The following CADM2 variants were observed in gnomAD, a reference collection of about 807,000 sequenced individuals.
CADM2 encodes cell adhesion molecule 2, also known as immunoglobulin superfamily member 4D.
Under a neutral mutation model 49.8 loss-of-function variants are expected in CADM2, and 12 were observed. That is an observed-to-expected ratio of 0.24 (90% CI 0.15 to 0.39). The LOEUF is 0.39. Among genes scored for constraint, CADM2 ranks in the 10% least tolerant of loss-of-function variants. The pLI, the probability that CADM2 is intolerant of heterozygous loss-of-function variation, is 1.00. For missense variants in CADM2, 378 were observed against 492.3 expected (o/e 0.77, Z 2.20); for synonymous variants, 214 against 175.4 (o/e 1.22, Z -1.74).
chr3:85,164,484 T>A (rs2040417238), intron 1 of CADM2, among the ~76,000 whole-genome samples: 1 of 152,074 alleles, frequency 6.6e-6, no homozygotes, highest in African/African-American at 2.4e-5. Flanking sequence ...TATTGCTCTA[T>A]TTTCAAAATT....
chr3:85,864,084 G>T (rs907190910), intron 3 of CADM2, among the ~76,000 whole-genome samples: 3 of 152,092 alleles, frequency 2.0e-5, no homozygotes, highest in Non-Finnish European at 4.4e-5. Flanking sequence ...GAGAATGATG[G>T]GAATGATCAT....
intron 1 of CADM2, among the ~76,000 whole-genome samples, chr3:85,321,339 A>C (rs2044607967): frequency 6.7e-6 from 1 of 149,828 alleles, no homozygotes; most frequent in Non-Finnish European, 1.5e-5. Flanking sequence ...TGTCTAATTT[A>C]TTCATTTATT....
At chr3:85,797,106 A>T (rs2071674546) in intron 2 of CADM2, among the ~76,000 whole-genome samples, 1 of 151,486 alleles carries the variant, frequency 6.6e-6, no homozygotes, top group South Asian at 2.1e-4. Flanking sequence ...AAAAAAAAAG[A>T]AAAAGAAAAA....
Position 86,056,578 on chromosome 3 carries a change from G to T in CADM2, c.971-9027G>T, listed in dbSNP as rs1027379199. On this transcript the variant is annotated intron_variant, in intron 8 of 9. Coordinates refer to ENST00000383699, the MANE Select transcript of CADM2 (RefSeq NM_001167675.2). ...AGAAAGGATGAGCAGATCAGATCAC[G>T]AAATGGGACAATCTTCCCAGGAGGG... is the stretch of plus-strand genomic sequence containing the variant. 3.3e-5 allele frequency among the ~76,000 whole-genome samples: 5 copies of T among 152,168 alleles called. No individual in the cohort carries two copies. In the South Asian group the frequency reaches 8.3e-4, roughly 25 times the overall value.
chr3:85,086,017 G>T (rs563274643), intron 1 of CADM2, among the ~76,000 whole-genome samples: 1 of 152,020 alleles, frequency 6.6e-6, no homozygotes, highest in African/African-American at 2.4e-5. Flanking sequence ...GAAAAATTAC[G>T]AAGATGTTTA....
chr3:85,791,997 AC>A (rs2108035081), intron 2 of CADM2, among the ~76,000 whole-genome samples: 1 of 152,302 alleles, frequency 6.6e-6, no homozygotes, highest in African/African-American at 2.4e-5. Context: ...TGCTGGGATT[AC>A]AGGCATAAGC....
Position 85,453,932 on chromosome 3 carries a change from G to A in CADM2, c.62-272590G>A, listed in dbSNP as rs368928723. On this transcript the variant is annotated intron_variant, in intron 1 of 9. Transcript: ENST00000383699. ...GTCATAAAAATTAAAACTAGAAACG[G>A]CAATATTTTACATGGTAAAAACTAC... is the stretch of plus-strand genomic sequence containing the variant. Among the ~76,000 whole-genome samples, 90 of 152,048 alleles carry A rather than the reference G, an allele frequency of 5.9e-4. No homozygotes were observed. The South Asian group carries it at 8.1e-3, about 14-fold the overall frequency.
At chr3:85,169,946 A>G (rs1431716240) in intron 1 of CADM2, among the ~76,000 whole-genome samples, 2 of 152,160 alleles carry the variant, frequency 1.3e-5, no homozygotes, top group East Asian at 3.9e-4. Flanking sequence ...ATTCACAGAA[A>G]CTGTTGAGCA....
intron 2 of CADM2, among the ~76,000 whole-genome samples, chr3:85,799,716 T>A (rs1396950533): frequency 3.3e-5 from 5 of 152,222 alleles, no homozygotes; most frequent in Admixed American, 6.5e-5. Flanking sequence ...CAGCGGAGGC[T>A]GCAGAACAGC....
At chr3:85,710,543 C>G (rs1296438029) in intron 1 of CADM2, among the ~76,000 whole-genome samples, 1 of 152,032 alleles carries the variant, frequency 6.6e-6, no homozygotes, top group South Asian at 2.1e-4. Flanking sequence ...TATATTCTTT[C>G]CAGTTTGCAT....
intron 7 of CADM2, among the ~76,000 whole-genome samples, chr3:85,954,883 T>C (rs543276974): frequency 7.9e-5 from 12 of 151,448 alleles, no homozygotes; most frequent in South Asian, 2.1e-4. Flanking sequence ...AAGATGTTTT[T>C]GTAACTCCTA....
chr3:85,427,741 C>A (rs1031074292), intron 1 of CADM2, among the ~76,000 whole-genome samples: 23 of 152,098 alleles, frequency 1.5e-4, no homozygotes, highest in African/African-American at 5.3e-4. Flanking sequence ...GCAAAAACTT[C>A]TGTCATCATT....
intron 1 of CADM2, among the ~76,000 whole-genome samples, chr3:85,561,325 A>G (rs569843247): frequency 1.1e-4 from 17 of 152,302 alleles, no homozygotes; most frequent in African/African-American, 4.1e-4. Flanking sequence ...AGAATAGCAA[A>G]TTAAGTTCAA....
chr3:85,229,867 T>G (rs2042248551), intron 1 of CADM2, among the ~76,000 whole-genome samples: 1 of 152,212 alleles, frequency 6.6e-6, no homozygotes, highest in Non-Finnish European at 1.5e-5. Flanking sequence ...GACTACATTT[T>G]GATTCTGGCA....
chr3:85,783,298 A>G (rs1035580406), intron 2 of CADM2, among the ~76,000 whole-genome samples: 1 of 152,212 alleles, frequency 6.6e-6, no homozygotes, highest in African/African-American at 2.4e-5. Context: ...ATAAGCCATT[A>G]AAATAGCTTA....
At chr3:85,240,299 G>A (rs757223193) in intron 1 of CADM2, among the ~76,000 whole-genome samples, 10 of 151,290 alleles carry the variant, frequency 6.6e-5, no homozygotes, top group Admixed American at 2.6e-4. Flanking sequence ...CATGAAAAGA[G>A]CTATTTCTTG....
Position 85,706,032 on chromosome 3 carries a change from G to A in CADM2, c.62-20490G>A, listed in dbSNP as rs529124555. ...AAAAATGTTTCTCAAAACTATATTC[G>A]TAGAAATAAGTTACTTTTATAGATT... On this transcript the variant is annotated intron_variant, in intron 1 of 9. Transcript: ENST00000383699. Among the ~76,000 whole-genome samples, 147 of 152,098 alleles carry A rather than the reference G, an allele frequency of 9.7e-4. 2 individuals carry two copies. The highest frequency in any genetic ancestry group is 2.9e-3 in the African/African-American group (121 of 41,510).
At chr3:85,704,457 G>A (rs2066875047) in intron 1 of CADM2, among the ~76,000 whole-genome samples, 1 of 152,108 alleles carries the variant, frequency 6.6e-6, no homozygotes, top group Admixed American at 6.5e-5. Context: ...TCATGGGCTG[G>A]TTCTTGGTGA....
chr3:85,544,412 A>AC (rs1454196459), intron 1 of CADM2, among the ~76,000 whole-genome samples: 1 of 151,974 alleles, frequency 6.6e-6, no homozygotes, highest in African/African-American at 2.4e-5. Flanking sequence ...CCCCATCTCT[A>AC]CTTAAAATAC....
Sources: allele counts gnomAD v4.1 joint callset (sites outside exome capture counted in the v4.1 genomes callset), GRCh38; gene constraint gnomAD v4.1.1; transcripts MANE v1.5; gene names NCBI Gene and HGNC (gene_info 2026-07-23, HGNC 2026-07-21).